Variants in EPHB1 observed in about 807,000 individuals in gnomAD.
The protein encoded by EPHB1 is ephrin type-B receptor 1.
In EPHB1, 30 loss-of-function variants were observed where a neutral mutation model predicts 94.4. The observed-to-expected ratio is 0.32, with a 90% confidence interval of 0.24 to 0.43. The LOEUF is 0.43. Ranked by LOEUF, EPHB1 falls within the 20% of genes least tolerant of loss-of-function variation. The pLI is 1.00. For synonymous variants in EPHB1, 522 were observed against 489.1 expected (o/e 1.07, Z -0.89); for missense variants, 1,055 against 1,308.3 (o/e 0.81, Z 2.99).
intron 9 of EPHB1, among the ~76,000 whole-genome samples, chr3:135,175,037 A>G (rs1941935942): frequency 6.6e-6 from 1 of 152,124 alleles, no homozygotes; most frequent in Non-Finnish European, 1.5e-5. Flanking sequence ...TTGATTTTGT[A>G]CTTCCTGAAT....
intron 12 of EPHB1, among the ~76,000 whole-genome samples, chr3:135,237,277 TACACACACACAC>T (rs10572168): frequency 2.5e-4 from 37 of 147,458 alleles, no homozygotes; most frequent in East Asian, 8.0e-4. Flanking sequence ...CACCAAATTC[TACACACACACAC>T]ACACACACAC....
At chr3:135,084,113 GGAAA>G (rs1421302090) in intron 3 of EPHB1, among the ~76,000 whole-genome samples, 1 of 152,080 alleles carries the variant, frequency 6.6e-6, no homozygotes, top group East Asian at 1.9e-4. Flanking sequence ...TAAAAGTAAA[GGAAA>G]GAAAGACCAA....
At chr3:135,193,548 T>G (rs573586387) in intron 11 of EPHB1, among the ~76,000 whole-genome samples, 2 of 151,526 alleles carry the variant, frequency 1.3e-5, no homozygotes, top group South Asian at 4.2e-4. Context: ...ATCTGGGGAG[T>G]GGAAGCTGAT....
chr3:134,993,823 A>T (rs1559786593), intron 3 of EPHB1, among the ~76,000 whole-genome samples: 2 of 152,198 alleles, frequency 1.3e-5, no homozygotes, highest in Non-Finnish European at 2.9e-5. Context: ...AGCTTCATTC[A>T]CATCTTACAG....
At chr3:134,958,778 G>A (rs1456268554) in intron 3 of EPHB1, among the ~76,000 whole-genome samples, 1 of 152,162 alleles carries the variant, frequency 6.6e-6, no homozygotes, top group Non-Finnish European at 1.5e-5. Flanking sequence ...TGTGACACCG[G>A]CATGAGCAAC....
chr3:135,123,724 T>G lies in EPHB1; in HGVS notation c.962-8990T>G, dbSNP rs760162486. ...TTAAGTTGGGGATAATAATGCCTCA[T>G]AGAATTTTGAGAGAAAATAGTGACA... On this transcript the variant is annotated intron_variant, in intron 4 of 15. Coordinates refer to ENST00000398015, the MANE Select transcript of EPHB1 (RefSeq NM_004441.5). Among the ~76,000 whole-genome samples, 17 of 152,078 alleles carry G rather than the reference T, an allele frequency of 1.1e-4. 1 individual carries two copies. Among genetic ancestry groups the G allele is most frequent in the Admixed American group, 7.8e-4 (12 of 15,296 alleles).
At chr3:135,054,597 T>A (rs1413047305) in intron 3 of EPHB1, among the ~76,000 whole-genome samples, 1 of 152,172 alleles carries the variant, frequency 6.6e-6, no homozygotes, top group African/African-American at 2.4e-5. Flanking sequence ...TCAATAGCCG[T>A]GCTTATCTGT....
chr3:135,145,609 A>C (rs1024995820), intron 5 of EPHB1, among the ~76,000 whole-genome samples: 2 of 152,214 alleles, frequency 1.3e-5, no homozygotes, highest in Non-Finnish European at 2.9e-5. Flanking sequence ...AGGATTTCAT[A>C]GCTTTAAAAA....
At chr3:135,224,450 C>T (rs1943347780) in intron 12 of EPHB1, among the ~76,000 whole-genome samples, 1 of 152,184 alleles carries the variant, frequency 6.6e-6, no homozygotes. Context: ...TATTTTGAAA[C>T]ACCTGATGTC....
intron 3 of EPHB1, among the ~76,000 whole-genome samples, chr3:135,039,966 C>T (rs2107765258): frequency 6.6e-6 from 1 of 152,344 alleles, no homozygotes; most frequent in South Asian, 2.1e-4. Flanking sequence ...GGACTGCCAG[C>T]ATGCTGTCAC....
At chr3:134,991,619 C>T (rs183784094) in intron 3 of EPHB1, among the ~76,000 whole-genome samples, 1 of 152,296 alleles carries the variant, frequency 6.6e-6, no homozygotes, top group East Asian at 1.9e-4. Context: ...GCCACTGGCT[C>T]CATGGACCTC....
chr3:134,868,181 A>T (rs1286877136), intron 1 of EPHB1, among the ~76,000 whole-genome samples: 1 of 152,220 alleles, frequency 6.6e-6, no homozygotes, highest in Non-Finnish European at 1.5e-5. Flanking sequence ...GATTAATGCT[A>T]CTTAAGATCT....
intron 2 of EPHB1, among the ~76,000 whole-genome samples, chr3:134,940,161 G>A (rs1046998006): frequency 2.0e-5 from 3 of 152,192 alleles, no homozygotes; most frequent in Admixed American, 6.5e-5. Flanking sequence ...TGACCAAAGG[G>A]TAGGATTATT....
At chr3:134,846,586 C>G (rs1342515620) in intron 1 of EPHB1, among the ~76,000 whole-genome samples, 1 of 152,162 alleles carries the variant, frequency 6.6e-6, no homozygotes, top group Non-Finnish European at 1.5e-5. Flanking sequence ...CCCCCTTCTT[C>G]TCCACGGAGT....
chr3:134,866,585 G>A (rs1457806404), intron 1 of EPHB1, among the ~76,000 whole-genome samples: 2 of 152,182 alleles, frequency 1.3e-5, no homozygotes, highest in African/African-American at 2.4e-5. Context: ...TGGGAATAGG[G>A]CCTGGTCTGT....
chr3:134,993,827 C>CT (rs1934900188), intron 3 of EPHB1, among the ~76,000 whole-genome samples: 1 of 152,242 alleles, frequency 6.6e-6, no homozygotes, highest in African/African-American at 2.4e-5. Flanking sequence ...TCATTCACAT[C>CT]TTACAGGGTT....
At chr3:134,875,169 G>A (rs991857207) in intron 1 of EPHB1, among the ~76,000 whole-genome samples, 2 of 152,180 alleles carry the variant, frequency 1.3e-5, no homozygotes, top group African/African-American at 4.8e-5. Context: ...TGTTGTGCAC[G>A]GCAAGGAAGC....
intron 1 of EPHB1, among the ~76,000 whole-genome samples, chr3:134,856,976 A>T (rs1160768252): frequency 6.6e-6 from 1 of 152,262 alleles, no homozygotes; most frequent in Non-Finnish European, 1.5e-5. Flanking sequence ...TCTGTATTGC[A>T]TAAAATGCAT....
intron 12 of EPHB1, among the ~76,000 whole-genome samples, chr3:135,240,303 C>CTAT (rs1345056613): frequency 6.6e-6 from 1 of 152,134 alleles, no homozygotes; most frequent in Admixed American, 6.5e-5. Flanking sequence ...TGCTTATTGC[C>CTAT]TATTTGTTGA....
Sources: gnomAD v4.1 joint callset for allele counts (sites outside exome capture counted in the v4.1 genomes callset) on GRCh38, gnomAD v4.1.1 for gene constraint, MANE v1.5 for transcripts, NCBI Gene and HGNC (gene_info 2026-07-23, HGNC 2026-07-21) for gene names.